Variants in KCNIP1 observed in about 807,000 individuals in gnomAD.
KCNIP1 encodes potassium voltage-gated channel interacting protein 1, also known as A-type potassium channel modulatory protein KCNIP1.
A neutral mutation model predicts 33.0 loss-of-function variants in KCNIP1; 18 were observed. The observed-to-expected ratio is 0.55, with a 90% CI of 0.38 to 0.81. The LOEUF (loss-of-function observed/expected upper bound fraction) is 0.81. KCNIP1 is among the 30% of genes least tolerant of loss of function. The pLI is 0.00. For synonymous variants in KCNIP1, 93 were observed against 98.3 expected (o/e 0.95, Z 0.32); for missense variants, 238 against 271.6 (o/e 0.88, Z 0.87).
chr5:170,541,925 T>C (rs1198759497), intron 1 of KCNIP1, among the ~76,000 whole-genome samples: 2 of 152,132 alleles, frequency 1.3e-5, no homozygotes, highest in Admixed American at 1.3e-4. Context: ...GCCTGGCACA[T>C]TTTAGAAGCT....
intron 1 of KCNIP1, among the ~76,000 whole-genome samples, chr5:170,554,618 C>G (rs1304695928): frequency 6.6e-6 from 1 of 152,236 alleles, no homozygotes; most frequent in African/African-American, 2.4e-5. Context: ...AGTGGAGATT[C>G]ACCAGCCATG....
rs79195960 is a variant in KCNIP1 at position 170,709,827 on chromosome 5, G to A, written c.62-8931G>A. 2.7e-3 allele frequency among the ~76,000 whole-genome samples: 402 copies of A among 151,662 alleles called. 1 individual carries two copies. Among genetic ancestry groups the A allele is most frequent in the Non-Finnish European group, 3.9e-3 (265 of 67,932 alleles). ...TACATATGTTCAAACTTTTCATCGC[G>A]TCTCATATGTCTCTTATGCAAGCTT... is the stretch of plus-strand genomic sequence containing the variant. On this transcript the variant is annotated intron_variant, in intron 1 of 7. Transcript: ENST00000328939.
intron 1 of KCNIP1, among the ~76,000 whole-genome samples, chr5:170,437,842 C>G (rs1165602362): frequency 6.6e-6 from 1 of 152,222 alleles, no homozygotes; most frequent in Admixed American, 6.5e-5. Context: ...CTTTGCACAG[C>G]CTTCAGAGCA....
chr5:170,510,146 G>A (rs896392949), intron 1 of KCNIP1, among the ~76,000 whole-genome samples: 2 of 152,084 alleles, frequency 1.3e-5, no homozygotes, highest in African/African-American at 4.8e-5. Context: ...CACCGCTCTG[G>A]GAAGCCTTTC....
At chr5:170,594,975 C>T (rs1040187291) in intron 1 of KCNIP1, among the ~76,000 whole-genome samples, 1 of 152,182 alleles carries the variant, frequency 6.6e-6, no homozygotes, top group Non-Finnish European at 1.5e-5. Flanking sequence ...TTTTAAATGC[C>T]ACATGAGCGG....
At chr5:170,513,653 G>A (rs529964541) in intron 1 of KCNIP1, among the ~76,000 whole-genome samples, 1 of 152,330 alleles carries the variant, frequency 6.6e-6, no homozygotes, top group South Asian at 2.1e-4. Context: ...AGAACAGGGT[G>A]CAGGACAGAG....
chr5:170,502,444 G>C (rs1331776157), upstream of KCNIP1, among the ~76,000 whole-genome samples: 2 of 152,154 alleles, frequency 1.3e-5, no homozygotes, highest in Non-Finnish European at 1.5e-5. Flanking sequence ...TGTATCCTGG[G>C]GATTCAACTC....
intron 1 of KCNIP1, among the ~76,000 whole-genome samples, chr5:170,715,417 C>T (rs778979927): frequency 2.0e-5 from 3 of 152,160 alleles, no homozygotes; most frequent in Non-Finnish European, 2.9e-5. Flanking sequence ...CTAAACCCCT[C>T]ATTCCACACT....
intron 1 of KCNIP1, among the ~76,000 whole-genome samples, chr5:170,471,481 G>T (rs1756726416): frequency 6.6e-6 from 1 of 152,182 alleles, no homozygotes; most frequent in Non-Finnish European, 1.5e-5. Flanking sequence ...AGTTTGTTCT[G>T]ATCCATCTCC....
intron 1 of KCNIP1, among the ~76,000 whole-genome samples, chr5:170,676,414 C>T (rs750556944): frequency 4.6e-5 from 7 of 152,280 alleles, no homozygotes; most frequent in South Asian, 4.1e-4. Context: ...TCTCTCTGAA[C>T]CATAACCATC....
At chr5:170,682,574 G>T (rs187298699) in intron 1 of KCNIP1, among the ~76,000 whole-genome samples, 1 of 152,034 alleles carries the variant, frequency 6.6e-6, no homozygotes, top group African/African-American at 2.4e-5. Context: ...CTGACAATCT[G>T]GAAGACTAGT....
intron 1 of KCNIP1, among the ~76,000 whole-genome samples, chr5:170,688,944 A>C (rs1270115748): frequency 6.9e-6 from 1 of 144,532 alleles, no homozygotes; most frequent in Non-Finnish European, 1.5e-5. Context: ...ACCCAAGAAC[A>C]AGAGGATAGA....
At chr5:170,494,472 C>A (rs1757271889) in intron 1 of KCNIP1, among the ~76,000 whole-genome samples, 1 of 152,170 alleles carries the variant, frequency 6.6e-6, no homozygotes, top group African/African-American at 2.4e-5. Context: ...CCTGGCCTCT[C>A]AGGAAGAGGT....
At chr5:170,572,531 A>G (rs1757458835) in intron 1 of KCNIP1, among the ~76,000 whole-genome samples, 1 of 152,236 alleles carries the variant, frequency 6.6e-6, no homozygotes, top group South Asian at 2.1e-4. Context: ...TTAAAAGATC[A>G]AGGCATACGT....
At chr5:170,588,324 G>A (rs770518644) in intron 1 of KCNIP1, among the ~76,000 whole-genome samples, 5 of 152,144 alleles carry the variant, frequency 3.3e-5, no homozygotes, top group Admixed American at 1.3e-4. Context: ...GAAATCCATG[G>A]AAACTCATCA....
At chr5:170,665,973 T>G (rs1761688305) in intron 1 of KCNIP1, among the ~76,000 whole-genome samples, 1 of 152,220 alleles carries the variant, frequency 6.6e-6, no homozygotes. Flanking sequence ...CTCGATCACC[T>G]GGCTAAGATT....
At chr5:170,604,186 G>C (rs1470331549) in intron 1 of KCNIP1, among the ~76,000 whole-genome samples, 3 of 152,158 alleles carry the variant, frequency 2.0e-5, no homozygotes, top group Non-Finnish European at 2.9e-5. Flanking sequence ...GAAGGGCCGG[G>C]GAGAAGGGAG....
At chr5:170,603,543 G>T (rs1181430396) in intron 1 of KCNIP1, among the ~76,000 whole-genome samples, 2 of 152,180 alleles carry the variant, frequency 1.3e-5, no homozygotes, top group Admixed American at 6.5e-5. Flanking sequence ...AGTAAACAGG[G>T]CTACACATGT....
At chr5:170,479,790 C>T (rs1318576020) in intron 1 of KCNIP1, among the ~76,000 whole-genome samples, 1 of 152,204 alleles carries the variant, frequency 6.6e-6, no homozygotes, top group African/African-American at 2.4e-5. Flanking sequence ...GATTAGTGTT[C>T]CTGATTCATA....
Sources: gnomAD v4.1 joint callset for allele counts (sites outside exome capture counted in the v4.1 genomes callset) on GRCh38, gnomAD v4.1.1 for gene constraint, MANE v1.5 for transcripts, NCBI Gene and HGNC (gene_info 2026-07-23, HGNC 2026-07-21) for gene names.